The following TCF20 variants were observed in gnomAD, a reference collection of about 807,000 sequenced individuals.
TCF20 encodes transcription factor 20, also known as SPRE-binding protein.
In TCF20, 3 loss-of-function variants were observed where a neutral mutation model predicts 148.6. The observed-to-expected ratio is 0.02, with a 90% CI of 0.01 to 0.05. The LOEUF (loss-of-function observed/expected upper bound fraction) is 0.05, where lower values mean the gene tolerates loss of function less well. Ranked by LOEUF, TCF20 falls within the 10% of genes least tolerant of loss-of-function variation. TCF20 has a pLI of 1.00. For synonymous variants in TCF20, 1,049 were observed against 909.5 expected (o/e 1.15, Z -2.76); for missense variants, 2,350 against 2,429.3 (o/e 0.97, Z 0.69).
intron 5 of TCF20, 39 bp from the exon 6 acceptor site, chr22:42,161,397 C>T (rs918574806): frequency 3.1e-6 from 5 of 1,613,692 alleles, no homozygotes; most frequent in Non-Finnish European, 4.2e-6. Flanking sequence ...CCAGGAGCCT[C>T]CACAGGGTCC....
intron 1 of TCF20, among the ~76,000 whole-genome samples, chr22:42,265,692 A>C (rs1397837122): frequency 6.6e-6 from 1 of 152,236 alleles, no homozygotes; most frequent in East Asian, 1.9e-4. Flanking sequence ...CCCATGAGTA[A>C]GAAGGCTTAA....
rs1555943092 is a variant in TCF20, at chr22:42,243,310, A to AAAAAAC, written c.-37+27028_-37+27029insGTTTTT. On this transcript the variant is annotated intron_variant, in intron 1 of 5. Transcript: ENST00000677622. ...ACTGTCTCAAAAAAAAAAAAAAAAA[A>AAAAAAC]AAAAAAAAAAAGTCAGGCATGATGG... is the stretch of plus-strand genomic sequence containing the variant. 5.7e-5 allele frequency among the ~76,000 whole-genome samples: 8 copies of AAAAAAC among 140,864 alleles called. 1 individual carries two copies. The highest frequency in any genetic ancestry group is 2.1e-4 in the African/African-American group (7 of 32,928). The allele number at this position is 140,864 out of a possible 152,430, so 92.4% of individuals were successfully genotyped here. A position where few individuals can be genotyped will look rare whatever the true frequency, so the allele number is the denominator to read the frequency against.
chr22:42,201,738 A>G (rs959541649), intron 2 of TCF20, among the ~76,000 whole-genome samples: 1 of 152,118 alleles, frequency 6.6e-6, no homozygotes, highest in Non-Finnish European at 1.5e-5. Context: ...ATTGCGGTCC[A>G]GCCTGGGGGA....
chr22:42,172,829 G>A (rs570485790), intron 3 of TCF20, among the ~76,000 whole-genome samples: 1 of 152,320 alleles, frequency 6.6e-6, no homozygotes, highest in East Asian at 1.9e-4. Flanking sequence ...TTGGCACACT[G>A]CAGGGCTTGG....
chr22:42,186,452 T>A (rs942278398), intron 2 of TCF20, among the ~76,000 whole-genome samples: 1 of 152,242 alleles, frequency 6.6e-6, no homozygotes, highest in African/African-American at 2.4e-5. Flanking sequence ...TTCATCTCTG[T>A]CATACTTTGG....
intron 1 of TCF20, among the ~76,000 whole-genome samples, chr22:42,326,241 T>C (rs1026437195): frequency 6.6e-6 from 1 of 152,058 alleles, no homozygotes; most frequent in Non-Finnish European, 1.5e-5. Context: ...GCCCGTGAGA[T>C]CACCTGAGGC....
intron 1 of TCF20, among the ~76,000 whole-genome samples, chr22:42,267,302 T>C (rs530272782): frequency 6.6e-6 from 1 of 152,124 alleles, no homozygotes; most frequent in East Asian, 1.9e-4. Flanking sequence ...CCAATTTGAG[T>C]AATCGGAGTT....
chr22:42,339,562 C>T (rs1370584337), intron 1 of TCF20, among the ~76,000 whole-genome samples: 3 of 152,212 alleles, frequency 2.0e-5, no homozygotes, highest in Admixed American at 6.5e-5. Context: ...ACCACAAAAA[C>T]GGCGCTCACT....
rs769668652 is a variant in TCF20 at position 42,209,669 on chromosome 22, C to T, written c.5637G>A (p.Leu1879=). 10 of 1,608,666 alleles carry T rather than the reference C, an allele frequency of 6.2e-6. No individual in the cohort carries two copies. Among genetic ancestry groups the T allele is most frequent in the South Asian group, 5.5e-5 (5 of 90,198 alleles). The change falls in exon 2 of 6, where the codon CTG becomes CTA. Residue 1879 remains leucine (L), a synonymous_variant. Coordinates refer to ENST00000677622, the MANE Select transcript of TCF20 (RefSeq NM_001378418.1). ...TACTCACCATCTCTCTGGCTATTTC[C>T]AGCGCTTCCTGCAGGCCATAGAGCC... ...CGRLYGLQEA[L]EIAREMKCSH...
intron 1 of TCF20, among the ~76,000 whole-genome samples, chr22:42,254,182 G>A (rs1304568676): frequency 6.6e-6 from 1 of 151,644 alleles, no homozygotes; most frequent in African/African-American, 2.4e-5. Flanking sequence ...TATCTGCTAA[G>A]CATTAGCTAC....
In TCF20 at chr22:42,247,503, A is replaced by C. The variant is rs574460687; in HGVS notation, c.-37+22836T>G. On this transcript the variant is annotated intron_variant, in intron 1 of 5. Transcript: ENST00000677622. ...AGAGGACACGGACCCAGACCTGGAA[A>C]TAAAGGCACCTCTGGGGACACCGAG... 2.0e-5 allele frequency among the ~76,000 whole-genome samples: 3 copies of C among 152,134 alleles called. No individual in the cohort carries two copies. The South Asian group carries it at 6.2e-4, about 32-fold the overall frequency.
At chr22:42,295,725 C>A (rs1927224175) in intron 1 of TCF20, among the ~76,000 whole-genome samples, 1 of 152,200 alleles carries the variant, frequency 6.6e-6, no homozygotes, top group Non-Finnish European at 1.5e-5. Context: ...CAGGCGTGAG[C>A]CACCGCGCCC....
chr22:42,342,895 G>A (rs971136744), intron 1 of TCF20, among the ~76,000 whole-genome samples: 2 of 152,128 alleles, frequency 1.3e-5, no homozygotes, highest in African/African-American at 4.8e-5. Flanking sequence ...GGAGCTAAGG[G>A]GCCTTGTTTA....
rs761469288 is a variant in TCF20 at position 42,292,295 on chromosome 22, C to T, written c.-37+51184G>A. On this transcript the variant is annotated intron_variant, in intron 1 of 1. Transcript: ENST00000515426. This position sits in a 1 kb window ranked among gnomAD's most constrained non-coding sequence, Gnocchi z 4.9. ...TTCCCAGGGTTGGGCCTGCGTGTTC[C>T]GTGTCCTGATCCGCTGAGGCCCCAG... 8.5e-5 allele frequency among the ~76,000 whole-genome samples: 13 copies of T among 152,150 alleles called. No homozygotes were observed. The highest frequency in any genetic ancestry group is 1.5e-4 in the Non-Finnish European group (10 of 68,032).
At chr22:42,298,325 G>A (rs533878139) in intron 1 of TCF20, among the ~76,000 whole-genome samples, 9 of 152,362 alleles carry the variant, frequency 5.9e-5, no homozygotes, top group South Asian at 4.1e-4. Flanking sequence ...GTGGGCACAT[G>A]GGCGATTGAC....
At chr22:42,228,534 C>T (rs1428699337) in intron 1 of TCF20, among the ~76,000 whole-genome samples, 1 of 152,184 alleles carries the variant, frequency 6.6e-6, no homozygotes, top group Non-Finnish European at 1.5e-5. Context: ...TGAGCTTAGG[C>T]AGTGACTGGG....
At chr22:42,255,008 G>C (rs1925651179) in intron 1 of TCF20, among the ~76,000 whole-genome samples, 1 of 144,900 alleles carries the variant, frequency 6.9e-6, no homozygotes, top group East Asian at 2.0e-4. Flanking sequence ...TTAGAGGTGA[G>C]AGTTTTTCCC....
chr22:42,196,001 G>A (rs929081323), intron 2 of TCF20, among the ~76,000 whole-genome samples: 3 of 152,198 alleles, frequency 2.0e-5, no homozygotes, highest in Non-Finnish European at 2.9e-5. Context: ...TGGTGAGGAC[G>A]ACAATCAGAT....
intron 2 of TCF20, among the ~76,000 whole-genome samples, chr22:42,200,688 G>C (rs1223301568): frequency 6.8e-6 from 1 of 146,884 alleles, no homozygotes; most frequent in African/African-American, 2.5e-5. Flanking sequence ...TCCCTAAAAC[G>C]TTTCTCAGAT....
Sources: allele counts gnomAD v4.1 joint callset (sites outside exome capture counted in the v4.1 genomes callset), GRCh38; gene constraint gnomAD v4.1.1; non-coding constraint Gnocchi (gnomAD v3.1); transcripts MANE v1.5; gene names NCBI Gene and HGNC (gene_info 2026-07-23, HGNC 2026-07-21).